The following SUSD2 variants were observed in gnomAD, a reference collection of about 807,000 sequenced individuals.
SUSD2 encodes the protein sushi domain containing 2, also known as sushi domain-containing protein 2.
Under a neutral mutation model 93.8 loss-of-function variants are expected in SUSD2, and 86 were observed. That is an observed-to-expected ratio of 0.92 (90% confidence interval 0.77 to 1.10). The LOEUF is 1.10. Among genes scored for constraint, SUSD2 ranks in the 50% least tolerant of loss-of-function variants. The probability of loss-of-function intolerance (pLI) is 0.00; values close to 1 mark genes in which losing one functional copy is unlikely to be tolerated. For synonymous variants in SUSD2, 483 were observed against 485.0 expected (o/e 1.00, Z 0.05); for missense variants, 1,060 against 1,137.0 (o/e 0.93, Z 0.97).
intron 10 of SUSD2, chr22:24,186,882 C>T: frequency 2.1e-6 from 1 of 482,870 alleles, no homozygotes. Context: ...GGCCTGTCAG[C>T]ACTGAGGGTT....
rs764170167 is a variant in SUSD2 at position 24,185,715 on chromosome 22, C to G, written c.1125C>G (p.Leu375=). 6.2e-7 allele frequency: 1 copy of G among 1,611,096 alleles called. No homozygotes were observed. Among genetic ancestry groups the G allele is most frequent in the Non-Finnish European group, 8.5e-7 (1 of 1,179,488 alleles). ...QCCYTADGTQ[L]LTADSSGGST... ...GCTACACAGCGGACGGGACGCAGCT[C>G]CTGACAGCTGACTCCAGCGGCGGCA... Residue 375 remains leucine, a synonymous_variant, in exon 8 of 15, where the codon CTC becomes CTG. Coordinates refer to ENST00000358321, the MANE Select transcript of SUSD2 (RefSeq NM_019601.4).
intron 3 of SUSD2, 78 bp from the exon 4 acceptor site, chr22:24,184,058 C>T: frequency 2.1e-6 from 3 of 1,441,108 alleles, no homozygotes; most frequent in South Asian, 1.2e-5. Context: ...GAGGCTCCCA[C>T]AGCCCTTGAA....
intron 10 of SUSD2, 54 bp downstream of exon 10, chr22:24,186,469 C>T: frequency 4.4e-6 from 7 of 1,588,450 alleles, no homozygotes; most frequent in Non-Finnish European, 6.0e-6. Context: ...CTCCCCATTC[C>T]TGCAGGGAGA....
Position 24,188,008 on chromosome 22 carries a change from C to T in SUSD2, c.2214C>T (p.Gly738=). Residue 738 remains glycine (G), a synonymous_variant, in exon 13 of 15, where the codon GGC becomes GGT. Transcript: ENST00000358321. This position sits in a 1 kb window ranked among gnomAD's most constrained non-coding sequence, Gnocchi z 4.7. ...LAPPPNGQKE[G]NRYLAGSTIY... is the part of the protein sequence containing the mutation. ...CACCTCCCAACGGACAAAAGGAGGG[C>T]AACAGGTACCTGGCGGGTTCCACCA... 1 of 1,613,020 alleles carries T rather than the reference C, an allele frequency of 6.2e-7. No individual in the cohort carries two copies. Among genetic ancestry groups the T allele is most frequent in the Non-Finnish European group, 8.5e-7 (1 of 1,179,986 alleles).
chr22:24,185,942 C>T lies in SUSD2; in HGVS notation c.1339+13C>T. ...CCCCCAAGACTGGGTGGGTGCCATC[C>T]CGTGCCCCAGACCCTGGGAAAGATC... On this transcript the variant is annotated intron_variant, in intron 8 of 14. Transcript: ENST00000358321. The T allele has an allele frequency of 1.3e-6, 2 of 1,569,106 alleles. No homozygotes were observed. The highest frequency in any genetic ancestry group is 1.7e-6 in the Non-Finnish European group (2 of 1,153,344).
intron 1 of SUSD2, 106 bp from the exon 2 acceptor site, chr22:24,182,951 G>A: frequency 2.2e-6 from 2 of 919,070 alleles, no homozygotes; most frequent in Admixed American, 4.7e-5. Context: ...GTTCTCCTGG[G>A]GATGCTGCTG....
chr22:24,184,913 T>C lies in SUSD2; in HGVS notation c.755T>C (p.Ile252Thr), dbSNP rs1305487278. The C allele has an allele frequency of 1.2e-6, 2 of 1,613,546 alleles. No homozygotes were observed. The highest frequency in any genetic ancestry group is 4.5e-5 in the East Asian group (2 of 44,868). Residue 252 changes from isoleucine (I) to threonine (T), a missense_variant, in exon 5 of 15, where the codon ATC (isoleucine) becomes ACC (threonine). By Grantham distance (89) the Ile-to-Thr change is moderately conservative. Transcript: ENST00000358321. ...TGGCGAGTGGGTGCACTTCGGATCA[T>C]CGACAGCAAAAATTACGCAGGGCAG... ...QRWRVGALRI[I>T]DSKNYAGQKD...
chr22:24,186,884 C>T, intron 10 of SUSD2: 1 of 486,204 alleles, frequency 2.1e-6, no homozygotes, highest in Admixed American at 3.3e-5. Flanking sequence ...CCTGTCAGCA[C>T]TGAGGGTTCA....
In SUSD2 at chr22:24,188,282, C is replaced by A. The variant is rs377355379; in HGVS notation, c.2399C>A (p.Ala800Glu). 1 of 1,604,086 alleles carries A rather than the reference C, an allele frequency of 6.2e-7. No homozygotes were observed. Among genetic ancestry groups the A allele is most frequent in the Non-Finnish European group, 8.5e-7 (1 of 1,175,218 alleles). ...IIFGGLAVVA[A>E]VALVYVLLRR... ...TTTGGGGGCCTCGCGGTGGTGGCGG[C>A]GGTTGCGCTCGTCTATGTGCTGCTG... Residue 800 changes from alanine (A) to glutamate (E), a missense_variant, in exon 14 of 15, where the codon GCG becomes GAG. Ala to Glu is a moderately radical substitution (Grantham distance 107). Transcript: ENST00000358321. This position sits in a 1 kb window ranked among gnomAD's most constrained non-coding sequence, Gnocchi z 4.7.
rs1379361002 is a variant in SUSD2 at position 24,188,104 on chromosome 22, C to G, written c.2310C>G (p.Thr770=). The G allele has an allele frequency of 1.2e-6, 2 of 1,612,938 alleles. No homozygotes were observed. The highest frequency in any genetic ancestry group is 1.7e-6 in the Non-Finnish European group (2 of 1,179,886). The change falls in exon 13 of 15, where the codon ACC becomes ACG. Residue 770 remains threonine (T), a synonymous_variant. Transcript: ENST00000358321. The surrounding 1 kb of genome is among the most constrained non-coding windows in gnomAD (Gnocchi z 4.7). ...AETSTCQADG[T]WSSPTPKCQP... ...CCAGCACCTGCCAGGCTGACGGCAC[C>G]TGGTCCTCACCCACCCCGAAGTGCC...
At position 24,183,842 on chromosome 22, in the gene SUSD2, G is replaced by A. The variant is rs553518774; in HGVS notation, c.439+196G>A. 7.6e-5 allele frequency: 52 copies of A among 686,400 alleles called. No individual in the cohort carries two copies. The African/African-American group carries it at 8.5e-4, about 11-fold the overall frequency. The allele number at this position is 686,400 out of a possible 1,614,324, so 42.5% of individuals were successfully genotyped here. ...CCAGACCGCGGTCCCAGCCCAGAGT[G>A]AGTGGGAGCTGCAGGGGTCCCTAGA... is the stretch of plus-strand genomic sequence containing the variant. On this transcript the variant is annotated intron_variant, in intron 3 of 14. Coordinates refer to ENST00000358321, the MANE Select transcript of SUSD2 (RefSeq NM_019601.4).
At position 24,183,313 on chromosome 22, in the gene SUSD2, C is replaced by A. The variant is rs1451544489; in HGVS notation, c.287+46C>A. The A allele has an allele frequency of 9.6e-6, 15 of 1,568,572 alleles. No individual in the cohort carries two copies. In the African/African-American group the frequency reaches 1.5e-4, roughly 16 times the overall value. ...GGGCACTGGGGCCCCACGCCCCCAT[C>A]CCTGTGCATGCTGAGGGCTCAGACC... On this transcript the variant is annotated intron_variant, in intron 2 of 14. Transcript: ENST00000358321.
rs2047360338 is a variant in SUSD2, at chr22:24,185,767, G to T, written c.1177G>T (p.Gly393Cys). ...CACTCCCGACCGCGGCCATGACTGG[G>T]GCGCACCCCCGTTCCGCACGCCACC... ...GSTPDRGHDW[G>C]APPFRTPPRV... The change falls in exon 8 of 15, where the codon GGC (glycine) becomes TGC (cysteine). Residue 393 changes from glycine (G) to cysteine (C), a missense_variant. Transcript: ENST00000358321. The T allele has an allele frequency of 6.2e-7, 1 of 1,609,878 alleles. No homozygotes were observed. Among genetic ancestry groups the T allele is most frequent in the Non-Finnish European group, 8.5e-7 (1 of 1,178,840 alleles).
Position 24,184,874 on chromosome 22 carries a change from C to G in SUSD2, c.716C>G (p.Pro239Arg), listed in dbSNP as rs747319910. Residue 239 changes from proline to arginine, a missense_variant, in exon 5 of 15, where the codon CCC (proline) becomes CGC (arginine). Pro to Arg is a moderately radical substitution (Grantham distance 103, BLOSUM62 -2). Transcript: ENST00000358321. ...SFTFTPKPAPPSYQRWRVGAL... is the reference protein window; with the variant it reads ...SFTFTPKPAPRSYQRWRVGAL... ...ACTTTCACCCCAAAACCTGCTCCTC[C>G]CAGCTACCAGAGATGGCGAGTGGGT... 6.2e-7 allele frequency: 1 copy of G among 1,614,088 alleles called. No individual in the cohort carries two copies. The highest frequency in any genetic ancestry group is 8.5e-7 in the Non-Finnish European group (1 of 1,180,008).
rs771365081 is a variant in SUSD2, at chr22:24,184,803, G to A, written c.645G>A (p.Ser215=). ...CACAGGAGTGGACTGCAAAGTGGTC[G>A]TACCTGTACCCCCTGGCCACACACA... The part of the protein sequence containing the change: ...PYSQEWTAKW[S]YLYPLATHIP... Residue 215 remains serine (S), a synonymous_variant, in exon 5 of 15, where the codon TCG becomes TCA. Coordinates refer to ENST00000358321, the MANE Select transcript of SUSD2 (RefSeq NM_019601.4). 8.1e-6 allele frequency: 13 copies of A among 1,610,664 alleles called. No individual in the cohort carries two copies. The highest frequency in any genetic ancestry group is 3.4e-5 in the Admixed American group (2 of 59,370).
Position 24,185,541 on chromosome 22 carries a change from C to A in SUSD2, c.1040C>A (p.Ala347Asp). The A allele has an allele frequency of 1.9e-6, 3 of 1,585,912 alleles. No homozygotes were observed. Among genetic ancestry groups the A allele is most frequent in the Non-Finnish European group, 2.6e-6 (3 of 1,166,216 alleles). ...AGCGTGTGCACCTACCACCCCGGGG[C>A]CGTGCACTGTGTGCGTTCTGTGCAG... is the stretch of plus-strand genomic sequence containing the variant. ...QGSVCTYHPGAVHCVRSVQAS... is the reference protein window; with the variant it reads ...QGSVCTYHPGDVHCVRSVQAS... Residue 347 changes from alanine to aspartate, a missense_variant, in exon 7 of 15, where the codon GCC becomes GAC. Physicochemically the swap from Ala to Asp is moderately radical, Grantham distance 126. This residue lies in a region of SUSD2 where 973 missense variants were observed against 1,005.3 expected (regional missense o/e 0.97). Transcript: ENST00000358321.
In SUSD2 at chr22:24,188,334, C is replaced by T; in HGVS notation, c.2444+7C>T. On this transcript the variant is annotated splice_region_variant and intron_variant, in intron 14 of 14. Coordinates refer to ENST00000358321, the MANE Select transcript of SUSD2 (RefSeq NM_019601.4). The surrounding 1 kb of genome is among the most constrained non-coding windows in gnomAD (Gnocchi z 4.7). ...GCCGCAGGAAGGGCAACACGTGAGA[C>T]CCCCCAGCCCCTCTCCCAAGACCCC... 3.7e-6 allele frequency: 6 copies of T among 1,606,054 alleles called. No homozygotes were observed. Among genetic ancestry groups the T allele is most frequent in the Non-Finnish European group, 5.1e-6 (6 of 1,177,068 alleles).
chr22:24,183,338 C>T lies in SUSD2; in HGVS notation c.287+71C>T, dbSNP rs2047337587. 1.3e-5 allele frequency: 20 copies of T among 1,557,118 alleles called. No individual in the cohort carries two copies. In the South Asian group the frequency reaches 2.2e-4, roughly 17 times the overall value. ...CCCTGTGCATGCTGAGGGCTCAGAC[C>T]CACTGACTGGCTGAGTGGAGCCCCT... On this transcript the variant is annotated intron_variant, in intron 2 of 14. Transcript: ENST00000358321.
At chr22:24,184,369 C>G in intron 4 of SUSD2, 66 bp downstream of exon 4, 2 of 1,542,470 alleles carry the variant, frequency 1.3e-6, no homozygotes, top group Non-Finnish European at 1.8e-6. Flanking sequence ...GAAAGGGGGT[C>G]CCAGCTGTGT....
Sources: allele counts gnomAD v4.1 joint callset, GRCh38; gene constraint gnomAD v4.1.1; regional missense constraint gnomAD v4.1.1; non-coding constraint Gnocchi (gnomAD v3.1); transcripts MANE v1.5; gene names NCBI Gene and HGNC (gene_info 2026-07-23, HGNC 2026-07-21).